Variants in PREX1 observed in about 807,000 individuals in gnomAD.
PREX1 encodes phosphatidylinositol 3,4,5-trisphosphate-dependent Rac exchanger 1 protein.
In PREX1, 41 loss-of-function variants were observed where a neutral mutation model predicts 198.3. The ratio of observed to expected loss-of-function variants is 0.21; its 90% CI spans 0.16 to 0.27. The LOEUF is 0.27. Ranked by LOEUF, PREX1 falls within the 10% of genes least tolerant of loss-of-function variation. The pLI is 1.00. For missense variants in PREX1, 1,620 were observed against 2,200.7 expected, an observed-to-expected ratio of 0.74 and a Z score of 5.28; for synonymous variants, 843 against 887.2, an observed-to-expected ratio of 0.95 and a Z score of 0.89.
At position 48,651,039 on chromosome 20, in the gene PREX1, G is replaced by A. The variant is rs1243627546; in HGVS notation, c.2672C>T (p.Ala891Val). The stretch of plus-strand genomic sequence containing the variant: ...CTCCACGAAGACGCTGTCATTGGCA[G>A]CAAAGGCCTCGAGGATCTGCAGAAA... ...GLTAKILEAF[A>V]ANDSVFVENC... The change falls in exon 23 of 40, where the codon GCT becomes GTT. Residue 891 changes from alanine to valine, a missense_variant. Around this residue, in one of 7 missense-constraint regions of PREX1, gnomAD observed 514 missense variants for 611.6 expected, o/e 0.84. Coordinates refer to ENST00000371941, the MANE Select transcript of PREX1 (RefSeq NM_020820.4). 1.9e-6 allele frequency: 3 copies of A among 1,614,110 alleles called. No homozygotes were observed. The highest frequency in any genetic ancestry group is 4.5e-5 in the East Asian group (2 of 44,888).
intron 5 of PREX1, among the ~76,000 whole-genome samples, chr20:48,716,948 C>T (rs1285116903): frequency 1.3e-5 from 2 of 152,178 alleles, no homozygotes; most frequent in Admixed American, 1.3e-4. Context: ...AGGATAGTAT[C>T]GCCTGAGCCC....
At chr20:48,741,716 T>G (rs2090082989) in intron 3 of PREX1, among the ~76,000 whole-genome samples, 1 of 151,858 alleles carries the variant, frequency 6.6e-6, no homozygotes, top group Non-Finnish European at 1.5e-5. Flanking sequence ...AGGGCAGGAG[T>G]GCAGCAACTT....
At chr20:48,813,693 G>C (rs888267809) in intron 1 of PREX1, among the ~76,000 whole-genome samples, 1 of 151,944 alleles carries the variant, frequency 6.6e-6, no homozygotes, top group Non-Finnish European at 1.5e-5. Context: ...GAGGGGGAGC[G>C]ATCAAATAAA....
intron 25 of PREX1, among the ~76,000 whole-genome samples, chr20:48,646,780 G>A (rs987371005): frequency 1.2e-4 from 18 of 152,132 alleles, no homozygotes; most frequent in South Asian, 4.1e-4. Context: ...AGGGTGTGAC[G>A]GTTAAGAGCA....
intron 30 of PREX1, among the ~76,000 whole-genome samples, chr20:48,637,981 G>C (rs2122846187): frequency 6.6e-6 from 1 of 152,284 alleles, no homozygotes; most frequent in South Asian, 2.1e-4. Context: ...ATCTGTACGT[G>C]CAAGCCTGGG....
At chr20:48,732,749 T>C (rs558287509) in intron 4 of PREX1, among the ~76,000 whole-genome samples, 2 of 152,312 alleles carry the variant, frequency 1.3e-5, no homozygotes, top group African/African-American at 4.8e-5. Context: ...CCAGCCTTCC[T>C]TGGATCTAGG....
At chr20:48,784,620 C>G (rs1055153743) in intron 1 of PREX1, among the ~76,000 whole-genome samples, 1 of 152,242 alleles carries the variant, frequency 6.6e-6, no homozygotes, top group African/African-American at 2.4e-5. Flanking sequence ...AGGCCTCCCC[C>G]TCTTCCCTAA....
chr20:48,692,369 G>C, intron 8 of PREX1: 1 of 276,094 alleles, frequency 3.6e-6, no homozygotes, highest in Non-Finnish European at 7.0e-6. Context: ...AGTCATAAAT[G>C]CTTAGGAGGT....
intron 7 of PREX1, among the ~76,000 whole-genome samples, chr20:48,697,492 T>C (rs1226208422): frequency 6.6e-6 from 1 of 151,994 alleles, no homozygotes; most frequent in East Asian, 1.9e-4. Context: ...GTGATTCTCC[T>C]GCCTCAGCCT....
intron 15 of PREX1, among the ~76,000 whole-genome samples, chr20:48,663,796 C>T (rs958162674): frequency 3.3e-5 from 5 of 152,202 alleles, no homozygotes; most frequent in African/African-American, 1.2e-4. Context: ...CAGGTCCCAG[C>T]CATATCCTCC....
intron 5 of PREX1, among the ~76,000 whole-genome samples, chr20:48,720,694 C>T (rs1212365193): frequency 6.6e-6 from 1 of 152,088 alleles, no homozygotes; most frequent in East Asian, 1.9e-4. Flanking sequence ...CCGGGAAACA[C>T]GTCACTCCCA....
intron 1 of PREX1, among the ~76,000 whole-genome samples, chr20:48,765,940 G>T (rs1256788166): frequency 6.6e-6 from 1 of 152,102 alleles, no homozygotes; most frequent in Non-Finnish European, 1.5e-5. Context: ...TGTCACATCA[G>T]CAGCAGCATC....
At chr20:48,710,576 GCCCA>G (rs999717851) in intron 5 of PREX1, among the ~76,000 whole-genome samples, 2 of 152,218 alleles carry the variant, frequency 1.3e-5, no homozygotes, top group Admixed American at 1.3e-4. Context: ...GCACATCTGA[GCCCA>G]CCCAGTCTGA....
chr20:48,701,095 C>A (rs73326991), intron 6 of PREX1, among the ~76,000 whole-genome samples: 1,904 of 152,262 alleles, frequency 0.013, 33 homozygotes, highest in African/African-American at 0.042. Flanking sequence ...CTGATATGAC[C>A]GCATGTCCCT....
chr20:48,778,094 C>T (rs1031359510), intron 1 of PREX1, among the ~76,000 whole-genome samples: 1 of 151,880 alleles, frequency 6.6e-6, no homozygotes, highest in Non-Finnish European at 1.5e-5. Context: ...TGTCGCCAGG[C>T]AAAAGTACAG....
chr20:48,777,314 G>C (rs562539767), intron 1 of PREX1, among the ~76,000 whole-genome samples: 5 of 152,044 alleles, frequency 3.3e-5, no homozygotes, highest in Non-Finnish European at 5.9e-5. Context: ...AGGAGCCCCC[G>C]GCCACACACC....
intron 1 of PREX1, among the ~76,000 whole-genome samples, chr20:48,767,621 G>A (rs1219635051): frequency 1.3e-5 from 2 of 152,162 alleles, no homozygotes; most frequent in Non-Finnish European, 2.9e-5. Context: ...TTATCTGTCA[G>A]TGCATCGACG....
At chr20:48,853,827 G>C in the PREX1 span, among the ~76,000 whole-genome samples, 1 of 152,182 alleles carries the variant, frequency 6.6e-6, no homozygotes. Context: ...AGCCTCGATG[G>C]GGATGATCAA....
At position 48,642,256 on chromosome 20, in the gene PREX1, C is replaced by G; in HGVS notation, c.3687G>C (p.Val1229=). ...HGCLEHLFNQ[V]DSINALLKGP... is the part of the protein sequence containing the mutation. ...CCTTGAGGAGAGCATTGATGGAGTC[C>G]ACCTGGGTGGCAAGAAGCCTGGGGT... Residue 1229 remains valine, a splice_region_variant and synonymous_variant, in exon 29 of 40, where the codon GTG becomes GTC. Transcript: ENST00000371941. 6.2e-7 allele frequency: 1 copy of G among 1,614,202 alleles called. No homozygotes were observed. The highest frequency in any genetic ancestry group is 8.5e-7 in the Non-Finnish European group (1 of 1,180,010).
Sources: allele counts gnomAD v4.1 joint callset (sites outside exome capture counted in the v4.1 genomes callset), GRCh38; gene constraint gnomAD v4.1.1; regional missense constraint gnomAD v4.1.1; transcripts MANE v1.5; gene names NCBI Gene and HGNC (gene_info 2026-07-23, HGNC 2026-07-21).